Variants in SPIDR observed in about 807,000 individuals in gnomAD.
SPIDR encodes DNA repair-scaffolding protein.
Under a neutral mutation model 104.6 loss-of-function variants are expected in SPIDR, and 93 were observed. The observed-to-expected ratio is 0.89, with a 90% confidence interval of 0.75 to 1.06. SPIDR has a LOEUF of 1.06. Ranked by LOEUF, SPIDR falls within the 50% of genes least tolerant of loss-of-function variation. SPIDR has a pLI of 0.00. For missense variants in SPIDR, 1,154 were observed against 1,111.2 expected (o/e 1.04, Z -0.55); for synonymous variants, 431 against 416.9 (o/e 1.03, Z -0.41).
intron 7 of SPIDR, among the ~76,000 whole-genome samples, chr8:47,438,783 A>G (rs1202280721): frequency 1.3e-5 from 2 of 152,234 alleles, no homozygotes; most frequent in South Asian, 2.1e-4. Flanking sequence ...AGGGGAGGCA[A>G]GGTGGCCCAG....
chr8:47,545,074 T>C (rs2089011415), intron 8 of SPIDR, among the ~76,000 whole-genome samples: 1 of 13,108 alleles, frequency 7.6e-5, no homozygotes, highest in South Asian at 1.2e-3. Context: ...TTTTATCTTT[T>C]CTTTCTTTCT....
intron 11 of SPIDR, among the ~76,000 whole-genome samples, chr8:47,698,105 A>G (rs1214071232): frequency 6.6e-6 from 1 of 152,248 alleles, no homozygotes; most frequent in African/African-American, 2.4e-5. Context: ...AGCATAATGA[A>G]TTAATCTGTA....
At chr8:47,293,478 G>T (rs947897757) in intron 4 of SPIDR, among the ~76,000 whole-genome samples, 7 of 152,076 alleles carry the variant, frequency 4.6e-5, no homozygotes, top group African/African-American at 1.7e-4. Flanking sequence ...ACAGAGTCTC[G>T]TTCTGTTGCC....
intron 10 of SPIDR, among the ~76,000 whole-genome samples, chr8:47,658,949 A>G (rs1190683613): frequency 6.6e-6 from 1 of 150,950 alleles, no homozygotes; most frequent in Non-Finnish European, 1.5e-5. Flanking sequence ...TCTCAAAAAA[A>G]AAAAAAAAAA....
chr8:47,550,678 T>C (rs1490768773), intron 8 of SPIDR, among the ~76,000 whole-genome samples: 1 of 152,206 alleles, frequency 6.6e-6, no homozygotes, highest in African/African-American at 2.4e-5. Context: ...GCTGAGACAA[T>C]GGGGTTTTCT....
intron 5 of SPIDR, among the ~76,000 whole-genome samples, chr8:47,381,156 C>G (rs1230374905): frequency 2.0e-5 from 3 of 152,146 alleles, no homozygotes; most frequent in African/African-American, 7.2e-5. Flanking sequence ...TGGATAAAGA[C>G]TTTGGGTCCC....
rs574868131 is a variant in SPIDR at position 47,485,205 on chromosome 8, G to A, written c.1097+44663G>A. ...ATGGCACACCAGGAGATTATATCCCGTGCAAGGCTCGGAGGGTCCCACGCG... is the reference window on the plus strand; with the variant it reads ...ATGGCACACCAGGAGATTATATCCCATGCAAGGCTCGGAGGGTCCCACGCG... On this transcript the variant is annotated intron_variant, in intron 8 of 19. Transcript: ENST00000297423. Among the ~76,000 whole-genome samples, 64 of 152,332 alleles carry A rather than the reference G, an allele frequency of 4.2e-4. 1 individual carries two copies. The South Asian group carries it at 0.012, about 29-fold the overall frequency.
At chr8:47,496,982 G>C (rs2079559709) in intron 8 of SPIDR, among the ~76,000 whole-genome samples, 1 of 151,726 alleles carries the variant, frequency 6.6e-6, no homozygotes, top group Non-Finnish European at 1.5e-5. Context: ...TCATTTGTTG[G>C]CTTACGGTTG....
chr8:47,554,264 ACT>A (rs974138511), intron 8 of SPIDR, among the ~76,000 whole-genome samples: 1 of 151,966 alleles, frequency 6.6e-6, no homozygotes, highest in African/African-American at 2.4e-5. Context: ...GAGAACCACT[ACT>A]CTCTTCAAAG....
chr8:47,304,831 G>T (rs2042849696), intron 5 of SPIDR, among the ~76,000 whole-genome samples: 2 of 152,200 alleles, frequency 1.3e-5, no homozygotes. Context: ...CCTTTTAATG[G>T]TTCCTGTATT....
rs1373527910 is a variant in SPIDR at position 47,702,083 on chromosome 8, TCTCTCTCTCTCTCTTACACACACA to T, written c.1977+70_1977+93del. On this transcript the variant is annotated intron_variant, in intron 14 of 19. Coordinates refer to ENST00000297423, the MANE Select transcript of SPIDR (RefSeq NM_001080394.4). ...CTCTCTCTCTCTCTCTCTCTCTCTC[TCTCTCTCTCTCTCTTACACACACA>T]CACACACACACACACACACACACAC... is the stretch of plus-strand genomic sequence containing the variant. The T allele has an allele frequency of 3.1e-3, 988 of 319,130 alleles. 13 individuals carry two copies. Among genetic ancestry groups the T allele is most frequent in the Non-Finnish European group, 4.1e-3 (835 of 203,544 alleles). 19.8% of individuals were successfully genotyped at this position (319,130 alleles called of 1,614,324 possible).
intron 6 of SPIDR, among the ~76,000 whole-genome samples, chr8:47,403,470 CA>C (rs1312577350): frequency 2.6e-5 from 4 of 152,156 alleles, no homozygotes; most frequent in African/African-American, 9.7e-5. Flanking sequence ...CGTCTCAGCC[CA>C]AAATCTCCTT....
At chr8:47,293,806 A>G (rs2040365003) in intron 4 of SPIDR, 61 bp from the exon 5 acceptor site, 19 of 1,489,436 alleles carry the variant, frequency 1.3e-5, no homozygotes, top group Non-Finnish European at 1.7e-5. Flanking sequence ...TAAGAATAAA[A>G]GAGATATAAA....
chr8:47,364,107 C>A (rs1412929602), intron 5 of SPIDR, among the ~76,000 whole-genome samples: 1 of 152,166 alleles, frequency 6.6e-6, no homozygotes, highest in African/African-American at 2.4e-5. Context: ...AGTATTAATT[C>A]TTCAGCTAAA....
intron 10 of SPIDR, among the ~76,000 whole-genome samples, chr8:47,613,805 C>CT (rs1563317029): frequency 6.6e-6 from 1 of 151,964 alleles, no homozygotes; most frequent in Admixed American, 6.6e-5. Flanking sequence ...TTTTTCAAGT[C>CT]TTTTTTTAAA....
At position 47,396,492 on chromosome 8, in the gene SPIDR, G is replaced by A. The variant is rs782098742; in HGVS notation, c.642G>A (p.Ser214=). ...ACAAATACCACGTGCAGTTTGCATC[G>A]GATGCAAGACAGATTATGGAGAGAC... is the stretch of plus-strand genomic sequence containing the variant. ...SPHKYHVQFA[S]DARQIMERLI... The change falls in exon 6 of 20, where the codon TCG becomes TCA. Residue 214 remains serine, a synonymous_variant. Transcript: ENST00000297423. The A allele has an allele frequency of 4.4e-5, 71 of 1,613,836 alleles. No homozygotes were observed. The highest frequency in any genetic ancestry group is 2.2e-4 in the Admixed American group (13 of 59,976).
chr8:47,289,228 G>C (rs1427721005), intron 3 of SPIDR, among the ~76,000 whole-genome samples: 2 of 151,694 alleles, frequency 1.3e-5, no homozygotes, highest in Non-Finnish European at 2.9e-5. Context: ...CTAGGCTGGA[G>C]TTTTTTTTGT....
At chr8:47,639,746 A>C (rs1283781276) in intron 10 of SPIDR, among the ~76,000 whole-genome samples, 1 of 152,108 alleles carries the variant, frequency 6.6e-6, no homozygotes, top group Non-Finnish European at 1.5e-5. Flanking sequence ...TCAGGAGTTC[A>C]AGACCAGCCA....
rs565472155 is a variant in SPIDR at position 47,470,328 on chromosome 8, G to A, written c.1097+29786G>A. On this transcript the variant is annotated intron_variant, in intron 8 of 19. Transcript: ENST00000297423. ...TTTTGAGATGGAATCTTGCTCTGCC[G>A]TCCAGCCTGGAGTGCAGCGACACGA... Among the ~76,000 whole-genome samples, 13 of 152,074 alleles carry A rather than the reference G, an allele frequency of 8.5e-5. No homozygotes were observed. In the South Asian group the frequency reaches 1.7e-3, roughly 19 times the overall value.
Sources: gnomAD v4.1 joint callset for allele counts (sites outside exome capture counted in the v4.1 genomes callset) on GRCh38, gnomAD v4.1.1 for gene constraint, MANE v1.5 for transcripts, NCBI Gene and HGNC (gene_info 2026-07-23, HGNC 2026-07-21) for gene names.